SHANK2: variants seen among roughly 807,000 people sequenced by gnomAD.
SHANK2 encodes SH3 and multiple ankyrin repeat domains protein 2.
Under a neutral mutation model 133.7 loss-of-function variants are expected in SHANK2, and 43 were observed. That is an observed-to-expected ratio of 0.32 (90% CI 0.25 to 0.41). The LOEUF is 0.41. Among genes scored for constraint, SHANK2 ranks in the 10% least tolerant of loss-of-function variants. The pLI, the probability that SHANK2 is intolerant of heterozygous loss-of-function variation, is 1.00. For synonymous variants in SHANK2, 1,017 were observed against 952.8 expected (o/e 1.07, Z -1.24); for missense variants, 1,994 against 2,235.8 (o/e 0.89, Z 2.18).
chr11:70,787,616 A>G (rs1555046969), intron 14 of SHANK2, among the ~76,000 whole-genome samples: 2 of 151,952 alleles, frequency 1.3e-5, no homozygotes, highest in Non-Finnish European at 2.9e-5. Context: ...CACCACCACC[A>G]GCATCACCAC....
Position 71,109,841 on chromosome 11 carries a change from A to G in SHANK2, c.592+100T>C, listed in dbSNP as rs541191264. On this transcript the variant is annotated intron_variant, in intron 6 of 25. Coordinates refer to ENST00000601538, the MANE Select transcript of SHANK2 (RefSeq NM_012309.5). ...TTTAAACACCAAACAAAACCAAGTA[A>G]AAGGTAACTGCAGCGTTATTCACAG... 14 of 757,594 alleles carry G rather than the reference A, an allele frequency of 1.8e-5. No homozygotes were observed. The South Asian group carries it at 2.0e-4, about 11-fold the overall frequency. The allele number at this position is 757,594 out of a possible 1,614,324, so 46.9% of individuals were successfully genotyped here. A position where few individuals can be genotyped will look rare whatever the true frequency, so the allele number is the denominator to read the frequency against.
intron 17 of SHANK2, among the ~76,000 whole-genome samples, chr11:70,648,709 C>T (rs1393104651): frequency 6.6e-6 from 1 of 152,120 alleles, no homozygotes; most frequent in Admixed American, 6.5e-5. Context: ...ATGAATCCAC[C>T]CCTCCACCTC....
intron 2 of SHANK2, among the ~76,000 whole-genome samples, chr11:71,211,173 T>G (rs377486189): frequency 6.7e-6 from 1 of 149,700 alleles, no homozygotes; most frequent in East Asian, 2.0e-4. Flanking sequence ...CAGCACACTG[T>G]GTCCTATTGG....
intron 15 of SHANK2, among the ~76,000 whole-genome samples, chr11:70,666,266 A>G (rs1442677018): frequency 2.6e-5 from 4 of 152,152 alleles, no homozygotes; most frequent in African/African-American, 7.2e-5. Context: ...GAAACTTTCA[A>G]TGTTTTGGGG....
chr11:70,644,670 T>A (rs1424225666), intron 17 of SHANK2, among the ~76,000 whole-genome samples: 1 of 152,216 alleles, frequency 6.6e-6, no homozygotes, highest in Non-Finnish European at 1.5e-5. Context: ...ACAATGCAGA[T>A]CTCAGCAAAG....
At chr11:71,144,801 T>C (rs1555106400) in intron 3 of SHANK2, among the ~76,000 whole-genome samples, 3 of 152,342 alleles carry the variant, frequency 2.0e-5, no homozygotes, top group Admixed American at 2.0e-4. Context: ...TCCTTCACCA[T>C]CTTTTTCTCC....
chr11:70,906,382 G>A (rs1397237887), intron 10 of SHANK2, among the ~76,000 whole-genome samples: 2 of 152,148 alleles, frequency 1.3e-5, no homozygotes, highest in Non-Finnish European at 2.9e-5. Context: ...CCTGTTCCCT[G>A]ACGCCAAGAG....
intron 6 of SHANK2, among the ~76,000 whole-genome samples, chr11:71,105,613 A>G (rs1951790988): frequency 6.7e-6 from 1 of 150,100 alleles, no homozygotes; most frequent in South Asian, 2.1e-4. Context: ...AAAAAAAAAA[A>G]AGAAAGGGTC....
chr11:70,763,123 T>G (rs1324467623), intron 14 of SHANK2, among the ~76,000 whole-genome samples: 2 of 152,166 alleles, frequency 1.3e-5, no homozygotes, highest in African/African-American at 4.8e-5. Context: ...CTGGAACAAG[T>G]CACTTAACCT....
intron 2 of SHANK2, among the ~76,000 whole-genome samples, chr11:71,182,858 G>GT (rs1223164687): frequency 6.6e-6 from 1 of 152,148 alleles, no homozygotes; most frequent in African/African-American, 2.4e-5. Flanking sequence ...TAAGCTCAAT[G>GT]TTTCTCTCCC....
chr11:70,576,010 T>C (rs1208591086), intron 17 of SHANK2, among the ~76,000 whole-genome samples: 1 of 152,056 alleles, frequency 6.6e-6, no homozygotes, highest in African/African-American at 2.4e-5. Context: ...TGAGCTTCGG[T>C]GTGCTGCATG....
At chr11:70,891,361 G>C (rs958372893) in intron 11 of SHANK2, among the ~76,000 whole-genome samples, 5 of 152,146 alleles carry the variant, frequency 3.3e-5, no homozygotes, top group African/African-American at 1.2e-4. Context: ...AAGTAGCCGG[G>C]GGTGGTGGCG....
rs1829491266 is a variant in SHANK2 at position 70,535,370 on chromosome 11, C to T, written c.2062-32439G>A. Among the ~76,000 whole-genome samples, 1 of 152,108 alleles carries T rather than the reference C, an allele frequency of 6.6e-6. No individual in the cohort carries two copies. Among genetic ancestry groups the T allele is most frequent in the South Asian group, 2.1e-4 (1 of 4,826 alleles). On this transcript the variant is annotated intron_variant, in intron 17 of 25. Coordinates refer to ENST00000601538, the MANE Select transcript of SHANK2 (RefSeq NM_012309.5). This position sits in a 1 kb window ranked among gnomAD's most constrained non-coding sequence, Gnocchi z 4.3. ...CCATTCATTATCTACCATCATCCAT[C>T]TGCCATCATCCATCAGTCTAACCAG...
intron 17 of SHANK2, chr11:70,604,709 C>A (rs1554991841): frequency 1.3e-5 from 2 of 152,298 alleles, no homozygotes; most frequent in Non-Finnish European, 2.9e-5. Flanking sequence ...TAGCGGCATG[C>A]CGCAAGCATA....
intron 11 of SHANK2, chr11:70,872,905 G>A (rs909966385): frequency 4.7e-6 from 2 of 427,466 alleles, no homozygotes; most frequent in Admixed American, 2.5e-5. Context: ...CCAGCTCCTC[G>A]GGGCAGGAGG....
In SHANK2 at chr11:70,798,565, G is replaced by A. The variant is rs201069612; in HGVS notation, c.1664-9C>T. The A allele has an allele frequency of 1.6e-3, 1,135 of 718,410 alleles. 1 individual carries two copies. The highest frequency in any genetic ancestry group is 1.6e-3 in the Non-Finnish European group (601 of 385,042). The allele number at this position is 718,410 out of a possible 1,614,324, so 44.5% of individuals were successfully genotyped here. A position where few individuals can be genotyped will look rare whatever the true frequency, so the allele number is the denominator to read the frequency against. On this transcript the variant is annotated splice_polypyrimidine_tract_variant and intron_variant, in intron 13 of 25. Coordinates refer to ENST00000601538, the MANE Select transcript of SHANK2 (RefSeq NM_012309.5). ...TTCACCGATGCTCAGAACTAGAGAC[G>A]ACAAAAAGGGAGAGGTGTTAGCAGG...
intron 8 of SHANK2, among the ~76,000 whole-genome samples, chr11:71,086,882 G>A (rs1176021319): frequency 1.3e-5 from 2 of 152,164 alleles, no homozygotes; most frequent in African/African-American, 2.4e-5. Context: ...GAGGAGGCTC[G>A]CGAAGGCAAA....
intron 9 of SHANK2, among the ~76,000 whole-genome samples, chr11:71,073,315 C>T (rs1478383170): frequency 4.9e-4 from 74 of 150,956 alleles, no homozygotes; most frequent in Non-Finnish European, 9.5e-4. Flanking sequence ...CATGCCATCA[C>T]ACCCGGCTAA....
At chr11:71,227,815 T>C (rs1162260632) in intron 1 of SHANK2, among the ~76,000 whole-genome samples, 2 of 151,698 alleles carry the variant, frequency 1.3e-5, no homozygotes, top group Non-Finnish European at 2.9e-5. Context: ...AGAAGAACAA[T>C]CTCAAATCAA....
Sources: gnomAD v4.1 joint callset for allele counts (sites outside exome capture counted in the v4.1 genomes callset) on GRCh38, gnomAD v4.1.1 for gene constraint, Gnocchi (gnomAD v3.1) non-coding constraint, MANE v1.5 for transcripts, NCBI Gene and HGNC (gene_info 2026-07-23, HGNC 2026-07-21) for gene names.